BICRA: variants seen among roughly 807,000 people sequenced by gnomAD.
BICRA encodes the protein BRD4-interacting chromatin-remodeling complex-associated protein.
In BICRA, 31 loss-of-function variants were observed where a neutral mutation model predicts 96.9. The observed-to-expected ratio is 0.32, with a 90% confidence interval of 0.24 to 0.43. The LOEUF is 0.43. Ranked by LOEUF, BICRA falls within the 20% of genes least tolerant of loss-of-function variation. BICRA has a pLI of 1.00. For synonymous variants in BICRA, 1,350 were observed against 1,071.8 expected (o/e 1.26, Z -5.07); for missense variants, 2,283 against 2,190.3 (o/e 1.04, Z -0.84).
intron 1 of BICRA, among the ~76,000 whole-genome samples, chr19:47,638,588 C>T (rs1423076196): frequency 7.2e-6 from 1 of 138,646 alleles, no homozygotes; most frequent in Non-Finnish European, 1.5e-5. Flanking sequence ...GTCACTCGCT[C>T]TCTCTGTTTC....
chr19:47,624,797 G>A (rs894061744), intron 1 of BICRA, among the ~76,000 whole-genome samples: 3 of 151,600 alleles, frequency 2.0e-5, no homozygotes, highest in Admixed American at 6.6e-5. Context: ...AGGCTCAAGC[G>A]TTCCTCCAAC....
intron 5 of BICRA, among the ~76,000 whole-genome samples, chr19:47,677,424 C>T (rs11671648): frequency 0.25 from 37,771 of 152,082 alleles, 5,169 homozygotes; most frequent in East Asian, 0.39. Flanking sequence ...AGGCTGGGCA[C>T]GGTGGCTCAC....
Position 47,648,500 on chromosome 19 carries a change from C to T in BICRA, c.-107-21943C>T, listed in dbSNP as rs116401397. On this transcript the variant is annotated intron_variant, in intron 1 of 14. Coordinates refer to ENST00000594866, the MANE Select transcript of BICRA (RefSeq NM_001394372.1). The stretch of plus-strand genomic sequence containing the variant: ...CATTTATGGCCTGTCAGATAGCGAT[C>T]GGCACCTGCAGTAAAGCAAGCAGGA... Among the ~76,000 whole-genome samples, 257 of 151,602 alleles carry T rather than the reference C, an allele frequency of 1.7e-3. 1 individual carries two copies. Among genetic ancestry groups the T allele is most frequent in the African/African-American group, 5.8e-3 (240 of 41,356 alleles).
At chr19:47,670,406 T>C (rs1245153640) in intron 1 of BICRA, 37 bp from the exon 2 acceptor site, 8 of 152,302 alleles carry the variant, frequency 5.3e-5, no homozygotes, top group Admixed American at 3.9e-4. Context: ...TTTCGCTGAC[T>C]TTCTCACTCA....
chr19:47,617,212 C>T (rs1270285722), intron 1 of BICRA, among the ~76,000 whole-genome samples: 2 of 152,138 alleles, frequency 1.3e-5, no homozygotes, highest in Non-Finnish European at 2.9e-5. Context: ...CTGGGCTCAA[C>T]AGTCCTCCGA....
At chr19:47,622,928 C>A (rs372001985) in intron 1 of BICRA, among the ~76,000 whole-genome samples, 8 of 149,562 alleles carry the variant, frequency 5.3e-5, no homozygotes, top group Admixed American at 2.0e-4. Context: ...ATCCTAGCTA[C>A]TCAGGAGGCT....
rs1326225628 is a variant in BICRA at position 47,701,931 on chromosome 19, C to T, written c.4199C>T (p.Ala1400Val). The T allele has an allele frequency of 4.2e-6, 6 of 1,433,616 alleles. No homozygotes were observed. The highest frequency in any genetic ancestry group is 3.1e-5 in the Admixed American group (1 of 32,280). The allele number at this position is 1,433,616 out of a possible 1,614,324, so 88.8% of individuals were successfully genotyped here. The change falls in exon 15 of 15, where the codon GCG becomes GTG. Residue 1400 changes from alanine to valine, a missense_variant. Transcript: ENST00000594866. This position sits in a 1 kb window ranked among gnomAD's most constrained non-coding sequence, Gnocchi z 5.4. ...TYRENVGGPG[A>V]PEGTPAGRAR... ...CGCGAGAACGTGGGGGGCCCTGGCGCGCCGGAGGGGACGCCCGCAGGCAGG... is the reference window on the plus strand; with the variant it reads ...CGCGAGAACGTGGGGGGCCCTGGCGTGCCGGAGGGGACGCCCGCAGGCAGG...
chr19:47,695,555 G>A, intron 10 of BICRA, 81 bp downstream of exon 10: 1 of 703,574 alleles, frequency 1.4e-6, no homozygotes, highest in Non-Finnish European at 2.6e-6. Flanking sequence ...GGGGCAGGGA[G>A]ACACTGGAAG....
upstream of BICRA, chr19:47,609,107 C>G (rs915712374): frequency 6.7e-6 from 1 of 148,650 alleles, no homozygotes; most frequent in African/African-American, 2.4e-5. Context: ...CTGGGTCCTC[C>G]CTTTGCAGCC....
Position 47,702,178 on chromosome 19 carries a change from G to A in BICRA, c.4446G>A (p.Val1482=). ...GGCGCAAGTCCGAGTCGCCCGACGT[G>A]GACCAGGCCAGCTTCTCCAGCGACA... is the stretch of plus-strand genomic sequence containing the variant. ...AKRRKSESPD[V]DQASFSSDSP... is the part of the protein sequence containing the mutation. The change falls in exon 15 of 15, where the codon GTG becomes GTA. Residue 1482 remains valine (V), a synonymous_variant. Coordinates refer to ENST00000594866, the MANE Select transcript of BICRA (RefSeq NM_001394372.1). The A allele has an allele frequency of 6.3e-7, 1 of 1,585,566 alleles. No individual in the cohort carries two copies. Among genetic ancestry groups the A allele is most frequent in the Admixed American group, 1.7e-5 (1 of 58,024 alleles).
Position 47,701,791 on chromosome 19 carries a change from G to A in BICRA, c.4059G>A (p.Pro1353=), listed in dbSNP as rs1362322813. ...AEPPPRPPPP[P]PPTGQMNGTV... ...CCCCGCCACGGCCGCCACCACCACC[G>A]CCGCCCACGGGCCAGATGAACGGCA... is the stretch of plus-strand genomic sequence containing the variant. The change falls in exon 15 of 15, where the codon CCG becomes CCA. Residue 1353 remains proline, a synonymous_variant. Coordinates refer to ENST00000594866, the MANE Select transcript of BICRA (RefSeq NM_001394372.1). The surrounding 1 kb of genome is among the most constrained non-coding windows in gnomAD (Gnocchi z 5.4). 1 of 1,534,774 alleles carries A rather than the reference G, an allele frequency of 6.5e-7. No homozygotes were observed. The highest frequency in any genetic ancestry group is 8.8e-7 in the Non-Finnish European group (1 of 1,142,374).
chr19:47,622,620 A>T (rs966968051), intron 1 of BICRA, among the ~76,000 whole-genome samples: 4 of 150,116 alleles, frequency 2.7e-5, no homozygotes, highest in African/African-American at 9.8e-5. Flanking sequence ...GCTACTCGGG[A>T]GACTGAGGCA....
At chr19:47,677,083 C>T (rs895407855) in intron 5 of BICRA, among the ~76,000 whole-genome samples, 1 of 152,168 alleles carries the variant, frequency 6.6e-6, no homozygotes, top group African/African-American at 2.4e-5. Flanking sequence ...GCAGTTCCCT[C>T]GTCTGTGAAA....
intron 4 of BICRA, among the ~76,000 whole-genome samples, chr19:47,674,143 A>G (rs1394786863): frequency 2.0e-5 from 3 of 152,174 alleles, no homozygotes; most frequent in Non-Finnish European, 4.4e-5. Flanking sequence ...TGAGACCTGA[A>G]GGATCACAGG....
Position 47,680,175 on chromosome 19 carries a change from A to G in BICRA, c.1005A>G (p.Pro335=). 6.5e-7 allele frequency: 1 copy of G among 1,538,884 alleles called. No homozygotes were observed. ...TGGCCCCAGGCCTCGGCTCGTCGCC[A>G]CTGGTCCCGGCGCCCAACGTGATCC... ...LAVAPGLGSS[P]LVPAPNVILH... is the part of the protein sequence containing the mutation. Residue 335 remains proline (P), a synonymous_variant, in exon 6 of 15, where the codon CCA becomes CCG. Transcript: ENST00000594866.
intron 7 of BICRA, among the ~76,000 whole-genome samples, chr19:47,683,185 T>TA (rs1973093010): frequency 6.6e-6 from 1 of 152,204 alleles, no homozygotes; most frequent in South Asian, 2.1e-4. Flanking sequence ...TATGCATTTT[T>TA]ATCTCTGACA....
At chr19:47,670,643 C>G (rs1466569998) in intron 2 of BICRA, 99 bp downstream of exon 2, 1 of 152,326 alleles carries the variant, frequency 6.6e-6, no homozygotes, top group African/African-American at 2.4e-5. Flanking sequence ...AAGGAGCATT[C>G]CTTCCTGGAA....
At chr19:47,628,933 A>G (rs1444783688) in intron 1 of BICRA, among the ~76,000 whole-genome samples, 1 of 151,778 alleles carries the variant, frequency 6.6e-6, no homozygotes, top group Non-Finnish European at 1.5e-5. Flanking sequence ...TGTGCAGTTC[A>G]GTAGTGTTAA....
At chr19:47,670,174 G>A (rs1972843175) in intron 1 of BICRA, among the ~76,000 whole-genome samples, 1 of 148,452 alleles carries the variant, frequency 6.7e-6, no homozygotes, top group Non-Finnish European at 1.5e-5. Flanking sequence ...CGCTGGTCTC[G>A]AACTCCTGAG....
Sources: gnomAD v4.1 joint callset for allele counts (sites outside exome capture counted in the v4.1 genomes callset) on GRCh38, gnomAD v4.1.1 for gene constraint, Gnocchi (gnomAD v3.1) non-coding constraint, MANE v1.5 for transcripts, NCBI Gene and HGNC (gene_info 2026-07-23, HGNC 2026-07-21) for gene names.